Variants in JMJD1C observed in about 807,000 individuals in gnomAD.
JMJD1C encodes jumonji domain-containing protein 1C.
In JMJD1C, 31 loss-of-function variants were observed where a neutral mutation model predicts 245.3. That is an observed-to-expected ratio of 0.13 (90% CI 0.09 to 0.17). JMJD1C has a LOEUF of 0.17. Among genes scored for constraint, JMJD1C ranks in the 10% least tolerant of loss-of-function variants. The pLI, the probability that JMJD1C is intolerant of heterozygous loss-of-function variation, is 1.00. For missense variants in JMJD1C, 2,691 were observed against 3,000.2 expected (o/e 0.90, Z 2.41); for synonymous variants, 1,057 against 1,017.4 (o/e 1.04, Z -0.74).
At position 63,213,982 on chromosome 10, in the gene JMJD1C, T is replaced by C. The variant is rs1414572661; in HGVS notation, c.2185A>G (p.Ile729Val). ...GGATGCTGGCTTAGGAAAGGTGAAATATGATTAGCTCCTGTTTCTGACCCA... is the reference window on the plus strand; with the variant it reads ...GGATGCTGGCTTAGGAAAGGTGAAACATGATTAGCTCCTGTTTCTGACCCA... ...LIGSETGANH[I>V]SPFLSQHPFP... The change falls in exon 8 of 26, where the codon ATT becomes GTT. Residue 729 changes from isoleucine to valine, a missense_variant. Around this residue, in one of 9 missense-constraint regions of JMJD1C, gnomAD observed 1,562 missense variants for 1,490.7 expected, o/e 1.05. Transcript: ENST00000399262. 33 of 1,614,014 alleles carry C rather than the reference T, an allele frequency of 2.0e-5. No homozygotes were observed. The highest frequency in any genetic ancestry group is 2.5e-5 in the Non-Finnish European group (30 of 1,179,994).
intron 3 of JMJD1C, chr10:63,222,440 T>G (rs1396355367): frequency 1.1e-6 from 1 of 924,758 alleles, no homozygotes; most frequent in Non-Finnish European, 1.8e-6. Context: ...CTTAAAGGAG[T>G]TGCTAAATCT....
rs543513944 is a variant in JMJD1C at position 63,361,689 on chromosome 10, G to C, written c.333+18629C>G. ...GCTGAGACTGTGCCGCTGGACTCCA[G>C]CCTGGGCAACAGAACAATACTGTCT... On this transcript the variant is annotated intron_variant, in intron 2 of 25. Transcript: ENST00000399262. Among the ~76,000 whole-genome samples, 3 of 126,602 alleles carry C rather than the reference G, an allele frequency of 2.4e-5. No individual in the cohort carries two copies. The South Asian group carries it at 7.2e-4, about 31-fold the overall frequency. 83.1% of individuals were successfully genotyped at this position (126,602 alleles called of 152,430 possible).
At chr10:63,337,619 AAAAGAAAAAGAAAAG>A (rs1163281306) in intron 2 of JMJD1C, among the ~76,000 whole-genome samples, 6 of 59,252 alleles carry the variant, frequency 1.0e-4, no homozygotes, top group Admixed American at 2.9e-4. Context: ...AAAAGAAAAG[AAAAGAAAAAGAAAAG>A]AAAAAAAATC....
chr10:63,353,143 C>T (rs545416712), intron 2 of JMJD1C, among the ~76,000 whole-genome samples: 8 of 152,182 alleles, frequency 5.3e-5, no homozygotes, highest in African/African-American at 1.9e-4. Flanking sequence ...TGTAGACAGC[C>T]CTTTCATGAA....
intron 2 of JMJD1C, among the ~76,000 whole-genome samples, chr10:63,343,584 A>G (rs4746111): frequency 1 from 152,269 of 152,272 alleles, 76,133 homozygotes; most frequent in Middle Eastern, 1. Flanking sequence ...AATGTAAAAT[A>G]TGAAACTAAA....
At chr10:63,479,738 A>C (rs79224697) in intron 1 of JMJD1C, among the ~76,000 whole-genome samples, 1,642 of 152,314 alleles carry the variant, frequency 0.011, 31 homozygotes, top group African/African-American at 0.038. Flanking sequence ...TGGCAAAAAT[A>C]GTCCATAATA....
chr10:63,403,602 G>A (rs1163155255), intron 1 of JMJD1C, among the ~76,000 whole-genome samples: 3 of 152,282 alleles, frequency 2.0e-5, no homozygotes, highest in Non-Finnish European at 2.9e-5. Flanking sequence ...AAGTGCGAAC[G>A]CTGTTTAAGC....
At chr10:63,329,510 A>C (rs552591784) in intron 2 of JMJD1C, among the ~76,000 whole-genome samples, 1 of 151,746 alleles carries the variant, frequency 6.6e-6, no homozygotes, top group East Asian at 1.9e-4. Flanking sequence ...GAACTGAAAA[A>C]GTCAACTGCG....
intron 3 of JMJD1C, among the ~76,000 whole-genome samples, chr10:63,244,212 T>C (rs9415674): frequency 6.6e-6 from 1 of 152,132 alleles, no homozygotes; most frequent in Admixed American, 6.5e-5. Flanking sequence ...CTGTGGAGAT[T>C]AGTTCCACAG....
intron 1 of JMJD1C, among the ~76,000 whole-genome samples, chr10:63,396,866 C>G (rs889413743): frequency 1.3e-5 from 2 of 148,538 alleles, no homozygotes; most frequent in African/African-American, 4.9e-5. Context: ...ATCTCAGTTT[C>G]ATAGAAATTT....
chr10:63,263,558 T>A (rs932360804), intron 3 of JMJD1C, among the ~76,000 whole-genome samples: 2 of 152,222 alleles, frequency 1.3e-5, no homozygotes, highest in Non-Finnish European at 2.9e-5. Flanking sequence ...TTTCTTTCCA[T>A]GCAATTACTG....
chr10:63,419,415 T>A (rs1359110583), intron 1 of JMJD1C, among the ~76,000 whole-genome samples: 3 of 151,882 alleles, frequency 2.0e-5, no homozygotes, highest in Admixed American at 2.0e-4. Flanking sequence ...AGATAAGATA[T>A]ACTTTAAGTT....
At position 63,213,578 on chromosome 10, in the gene JMJD1C, A is replaced by C. The variant is rs781117360; in HGVS notation, c.2589T>G (p.Ile863Met). The C allele has an allele frequency of 1.1e-5, 17 of 1,614,028 alleles. No homozygotes were observed. The change falls in exon 8 of 26, where the codon ATT becomes ATG. Residue 863 changes from isoleucine (I) to methionine (M), a missense_variant. Physicochemically the swap from Ile to Met is conservative, Grantham distance 10 (BLOSUM62 1). Around this residue, in one of 9 missense-constraint regions of JMJD1C, gnomAD observed 1,562 missense variants for 1,490.7 expected, o/e 1.05. Transcript: ENST00000399262. Reference protein sequence around the residue: ...SYNQLGLYPIIWQYPNGTHAY... With the variant: ...SYNQLGLYPIMWQYPNGTHAY... ...CATGTGTTCCATTTGGATACTGCCA[A>C]ATAATTGGATAAAGTCCAAGCTGAT...
At chr10:63,521,607 G>C in intron 1 of JMJD1C, 1 of 1,375,442 alleles carries the variant, frequency 7.3e-7, no homozygotes, top group Non-Finnish European at 9.6e-7. Flanking sequence ...CCCTGCAGCC[G>C]GCGCGAGGCC....
At chr10:63,497,409 T>G (rs1589829798) in intron 1 of JMJD1C, among the ~76,000 whole-genome samples, 1 of 152,196 alleles carries the variant, frequency 6.6e-6, no homozygotes, top group East Asian at 1.9e-4. Context: ...GACCACATAT[T>G]ATATGATTCC....
intron 1 of JMJD1C, among the ~76,000 whole-genome samples, chr10:63,414,087 T>C (rs981417043): frequency 6.6e-6 from 1 of 151,106 alleles, no homozygotes; most frequent in Non-Finnish European, 1.5e-5. Context: ...CCTGGGTTCA[T>C]GCCATTCTCC....
intron 1 of JMJD1C, among the ~76,000 whole-genome samples, chr10:63,413,780 A>G (rs753623915): frequency 1.6e-4 from 25 of 152,176 alleles, no homozygotes; most frequent in Non-Finnish European, 2.8e-4. Context: ...AAGCTGAATG[A>G]AAGAGTCAAA....
At chr10:63,197,386 A>T in intron 13 of JMJD1C, 25 bp downstream of exon 13, 2 of 1,580,162 alleles carry the variant, frequency 1.3e-6, no homozygotes, top group South Asian at 2.4e-5. Context: ...AAAAAACTTC[A>T]ATTTATATAA....
rs1381535014 is a variant in JMJD1C at position 63,167,364 on chromosome 10, T to C, written c.*681A>G. On this transcript the variant is annotated 3_prime_UTR_variant, in exon 26 of 26. Transcript: ENST00000399262. ...ATCATTAAATGTATATATGTATATA[T>C]TTACATAGCATATTAAGTTTAATAT... The C allele has an allele frequency of 6.6e-6, 1 of 152,590 alleles. No homozygotes were observed. Among genetic ancestry groups the C allele is most frequent in the Non-Finnish European group, 1.5e-5 (1 of 68,034 alleles). The allele number at this position is 152,590 out of a possible 1,614,324, so 9.5% of individuals were successfully genotyped here. A position where few individuals can be genotyped will look rare whatever the true frequency, so the allele number is the denominator to read the frequency against.
Sources: allele counts gnomAD v4.1 joint callset (sites outside exome capture counted in the v4.1 genomes callset), GRCh38; gene constraint gnomAD v4.1.1; regional missense constraint gnomAD v4.1.1; transcripts MANE v1.5; gene names NCBI Gene and HGNC (gene_info 2026-07-23, HGNC 2026-07-21).